The following ADAMTS12 variants were observed in gnomAD, a reference collection of about 807,000 sequenced individuals.
ADAMTS12 encodes ADAM metallopeptidase with thrombospondin type 1 motif 12, also known as A disintegrin and metalloproteinase with thrombospondin motifs 12.
In ADAMTS12, 118 loss-of-function variants were observed where a neutral mutation model predicts 167.8. The observed-to-expected ratio is 0.70, with a 90% CI of 0.61 to 0.82. The LOEUF is 0.82. ADAMTS12 is among the 40% of genes least tolerant of loss of function. The pLI, the probability that ADAMTS12 is intolerant of heterozygous loss-of-function variation, is 0.00. For synonymous variants in ADAMTS12, 704 were observed against 716.9 expected, an observed-to-expected ratio of 0.98 and a Z score of 0.29; for missense variants, 1,916 against 1,998.8, an observed-to-expected ratio of 0.96 and a Z score of 0.79.
At chr5:33,741,414 T>C (rs1225577403) in intron 3 of ADAMTS12, among the ~76,000 whole-genome samples, 1 of 152,176 alleles carries the variant, frequency 6.6e-6, no homozygotes, top group African/African-American at 2.4e-5. Flanking sequence ...CTTCTTCTTA[T>C]GAGGGCAAAG....
chr5:33,846,614 G>A (rs948855961), intron 2 of ADAMTS12, among the ~76,000 whole-genome samples: 2 of 152,190 alleles, frequency 1.3e-5, no homozygotes, highest in Non-Finnish European at 2.9e-5. Flanking sequence ...AGTGTATCAT[G>A]TGAAGGCTTC....
At chr5:33,595,812 T>A in intron 17 of ADAMTS12, 122 bp downstream of exon 17, 1 of 1,422,614 alleles carries the variant, frequency 7.0e-7, no homozygotes, top group South Asian at 1.4e-5. Context: ...CTAACCGCGT[T>A]CTTGTATTTA....
At chr5:33,698,127 G>GAGAATA (rs1250542692) in intron 3 of ADAMTS12, among the ~76,000 whole-genome samples, 1 of 152,184 alleles carries the variant, frequency 6.6e-6, no homozygotes, top group Admixed American at 6.5e-5. Flanking sequence ...ATGAACGTCT[G>GAGAATA]GCTTTTTGAG....
intron 5 of ADAMTS12, among the ~76,000 whole-genome samples, chr5:33,663,272 G>A (rs1244881926): frequency 6.6e-6 from 1 of 152,122 alleles, no homozygotes; most frequent in Non-Finnish European, 1.5e-5. Context: ...GAATTCTGGG[G>A]GACGAGCTGG....
At chr5:33,864,525 A>ACCTG (rs1319948085) in intron 2 of ADAMTS12, among the ~76,000 whole-genome samples, 2 of 152,194 alleles carry the variant, frequency 1.3e-5, no homozygotes, top group African/African-American at 2.4e-5. Flanking sequence ...TGTACTATAA[A>ACCTG]GACACATGCA....
At chr5:33,843,312 T>A (rs1229975822) in intron 2 of ADAMTS12, among the ~76,000 whole-genome samples, 2 of 152,158 alleles carry the variant, frequency 1.3e-5, no homozygotes, top group African/African-American at 4.8e-5. Flanking sequence ...GCTAGGTTCC[T>A]GAGCCTGAGC....
chr5:33,856,382 A>G (rs991654975), intron 2 of ADAMTS12, among the ~76,000 whole-genome samples: 1 of 152,084 alleles, frequency 6.6e-6, no homozygotes, highest in Admixed American at 6.5e-5. Context: ...GGGCTATATG[A>G]CTCTTATAGT....
At chr5:33,743,930 G>A (rs940304787) in intron 3 of ADAMTS12, among the ~76,000 whole-genome samples, 1 of 152,166 alleles carries the variant, frequency 6.6e-6, no homozygotes, top group African/African-American at 2.4e-5. Flanking sequence ...CTGGTTTGCA[G>A]GCCATTCAGA....
chr5:33,639,393 C>G (rs973468556), intron 11 of ADAMTS12, among the ~76,000 whole-genome samples: 4 of 152,046 alleles, frequency 2.6e-5, no homozygotes, highest in African/African-American at 9.7e-5. Context: ...TTTAAGACAG[C>G]AATTATGTAT....
intron 22 of ADAMTS12, among the ~76,000 whole-genome samples, chr5:33,536,869 C>T (rs1744440531): frequency 6.6e-6 from 1 of 152,324 alleles, no homozygotes; most frequent in Middle Eastern, 3.4e-3. Flanking sequence ...TATGACTTCA[C>T]ATTGTATCAC....
intron 16 of ADAMTS12, among the ~76,000 whole-genome samples, chr5:33,598,350 T>C (rs1052534417): frequency 6.6e-5 from 10 of 152,326 alleles, no homozygotes; most frequent in African/African-American, 2.2e-4. Flanking sequence ...TGTGTGTTCA[T>C]TTGGTAAAAT....
At chr5:33,827,012 TC>T (rs150323076) in intron 2 of ADAMTS12, among the ~76,000 whole-genome samples, 3,305 of 151,860 alleles carry the variant, frequency 0.022, 133 homozygotes, top group African/African-American at 0.076. Flanking sequence ...CGTAATTGTT[TC>T]CTATTAAATA....
At chr5:33,781,259 G>A (rs752651754) in intron 2 of ADAMTS12, among the ~76,000 whole-genome samples, 2 of 151,030 alleles carry the variant, frequency 1.3e-5, no homozygotes, top group African/African-American at 2.4e-5. Context: ...GTGTGTGTGT[G>A]TATATATATA....
Position 33,614,991 on chromosome 5 carries a change from C to T in ADAMTS12, c.2389-615G>A, listed in dbSNP as rs535138959. 7.0e-4 allele frequency among the ~76,000 whole-genome samples: 107 copies of T among 152,200 alleles called. 1 individual carries two copies. Among genetic ancestry groups the T allele is most frequent in the Non-Finnish European group, 1.3e-3 (86 of 68,034 alleles). ...TTAACAAATAGTAGTTCTGAGCTAA[C>T]AATGGTCATGGACTTTAACTTAGGT... is the stretch of plus-strand genomic sequence containing the variant. On this transcript the variant is annotated intron_variant, in intron 15 of 23. Coordinates refer to ENST00000504830, the MANE Select transcript of ADAMTS12 (RefSeq NM_030955.4).
chr5:33,693,141 T>A (rs1376129343), intron 3 of ADAMTS12, among the ~76,000 whole-genome samples: 1 of 152,234 alleles, frequency 6.6e-6, no homozygotes, highest in Non-Finnish European at 1.5e-5. Flanking sequence ...TGATATTTCA[T>A]TTCATGAACT....
rs151208290 is a variant in ADAMTS12, at chr5:33,692,789, T to C, written c.635-8734A>G. Reference sequence around the variant, plus strand: ...TTTTACTACCTTCAGTCTGTTAACATAGGAATAAGACTGATTTCCCACAAT... The same window carrying C: ...TTTTACTACCTTCAGTCTGTTAACACAGGAATAAGACTGATTTCCCACAAT... On this transcript the variant is annotated intron_variant, in intron 3 of 23. Transcript: ENST00000504830. Among the ~76,000 whole-genome samples, 376 of 152,302 alleles carry C rather than the reference T, an allele frequency of 2.5e-3. 2 individuals carry two copies. Among genetic ancestry groups the C allele is most frequent in the African/African-American group, 8.7e-3 (361 of 41,580 alleles).
intron 2 of ADAMTS12, among the ~76,000 whole-genome samples, chr5:33,878,865 T>C (rs574324486): frequency 6.6e-6 from 1 of 152,350 alleles, no homozygotes; most frequent in East Asian, 1.9e-4. Context: ...CTAGTCTTCA[T>C]GTTGAGCCAG....
intron 2 of ADAMTS12, among the ~76,000 whole-genome samples, chr5:33,811,713 C>T (rs907286764): frequency 6.6e-6 from 1 of 152,130 alleles, no homozygotes; most frequent in African/African-American, 2.4e-5. Flanking sequence ...CCATAAAATG[C>T]CTTGTGTTTT....
rs570874686 is a variant in ADAMTS12, at chr5:33,715,571, T to C, written c.635-31516A>G. On this transcript the variant is annotated intron_variant, in intron 3 of 23. Coordinates refer to ENST00000504830, the MANE Select transcript of ADAMTS12 (RefSeq NM_030955.4). The stretch of plus-strand genomic sequence containing the variant: ...TTATTGAGATGCAATCCTAGATTCT[T>C]TACAAACTCTTCAGACCGAGCTAAT... 1.4e-4 allele frequency among the ~76,000 whole-genome samples: 21 copies of C among 152,264 alleles called. 1 individual carries two copies. The highest frequency in any genetic ancestry group is 5.1e-4 in the African/African-American group (21 of 41,570).
Sources: gnomAD v4.1 joint callset for allele counts (sites outside exome capture counted in the v4.1 genomes callset) on GRCh38, gnomAD v4.1.1 for gene constraint, MANE v1.5 for transcripts, NCBI Gene and HGNC (gene_info 2026-07-23, HGNC 2026-07-21) for gene names.